Variants in RNF157 observed in about 807,000 individuals in gnomAD.
RNF157 encodes the protein ring finger protein 157, also known as E3 ubiquitin ligase RNF157.
Under a neutral mutation model 88.3 loss-of-function variants are expected in RNF157, and 55 were observed. That is an observed-to-expected ratio of 0.62 (90% CI 0.50 to 0.78). The LOEUF is 0.78. Among genes scored for constraint, RNF157 ranks in the 30% least tolerant of loss-of-function variants. The pLI is 0.00. For synonymous variants in RNF157, 334 were observed against 341.2 expected (o/e 0.98, Z 0.23); for missense variants, 788 against 860.8 (o/e 0.92, Z 1.06).
intron 2 of RNF157, among the ~76,000 whole-genome samples, chr17:76,203,305 C>T (rs1598427194): frequency 6.6e-6 from 1 of 152,088 alleles, no homozygotes; most frequent in South Asian, 2.1e-4. Context: ...TTTTTTGAGT[C>T]CTTAAAATAT....
intron 1 of RNF157, among the ~76,000 whole-genome samples, chr17:76,216,668 T>A (rs926720390): frequency 3.3e-5 from 5 of 152,100 alleles, no homozygotes; most frequent in African/African-American, 4.8e-5. Flanking sequence ...GTGTTGTAAA[T>A]CTATATCTAC....
chr17:76,207,423 T>C (rs1416601843), intron 2 of RNF157, among the ~76,000 whole-genome samples: 1 of 151,770 alleles, frequency 6.6e-6, no homozygotes, highest in Non-Finnish European at 1.5e-5. Context: ...TCCCTATCTC[T>C]AGGGGAAAAA....
chr17:76,145,670 T>C, intron 18 of RNF157: 1 of 293,236 alleles, frequency 3.4e-6, no homozygotes, highest in South Asian at 7.9e-5. Context: ...ATTACTTGGT[T>C]TTAAAGTTTG....
chr17:76,147,386 GCACCAC>G (rs1227821260), intron 18 of RNF157: 3 of 977,202 alleles, frequency 3.1e-6, no homozygotes, highest in Admixed American at 6.2e-5. Flanking sequence ...AAAAACAGCA[GCACCAC>G]CACCACCACC....
intron 2 of RNF157, among the ~76,000 whole-genome samples, chr17:76,201,957 C>T (rs563989830): frequency 2.6e-5 from 4 of 151,700 alleles, no homozygotes; most frequent in South Asian, 2.1e-4. Context: ...AGGAGAGATT[C>T]GGAGAGGTGA....
chr17:76,214,507 C>T (rs940838312), intron 1 of RNF157, among the ~76,000 whole-genome samples: 2 of 152,128 alleles, frequency 1.3e-5, no homozygotes, highest in Non-Finnish European at 2.9e-5. Context: ...CTTTAACTTG[C>T]TGCAAACATT....
chr17:76,232,926 A>AT (rs34189763), intron 1 of RNF157, among the ~76,000 whole-genome samples: 41,100 of 147,504 alleles, frequency 0.28, 5,948 homozygotes, highest in East Asian at 0.46. Flanking sequence ...AATCTCGCAT[A>AT]TTTTTTTTTT....
chr17:76,203,476 G>A (rs1348642263), intron 2 of RNF157, among the ~76,000 whole-genome samples: 1 of 148,828 alleles, frequency 6.7e-6, no homozygotes, highest in Non-Finnish European at 1.5e-5. Flanking sequence ...TTTTGAGATG[G>A]AGTCTTGCTC....
Position 76,221,406 on chromosome 17 carries a change from G to A in RNF157, c.89-8924C>T, listed in dbSNP as rs183248386. On this transcript the variant is annotated intron_variant, in intron 1 of 18. Transcript: ENST00000269391. ...CCACCAGCTTATAGGGAATAAAACA[G>A]AACATGATTAATGAGAGTTCAAGGA... Among the ~76,000 whole-genome samples the A allele has an allele frequency of 1.8e-4, 28 of 152,206 alleles. 1 individual carries two copies. The highest frequency in any genetic ancestry group is 1.6e-3 in the Admixed American group (24 of 15,254).
At chr17:76,201,323 C>CA (rs780243656) in intron 2 of RNF157, among the ~76,000 whole-genome samples, 11,297 of 59,586 alleles carry the variant, frequency 0.19, 1,378 homozygotes, top group African/African-American at 0.34. Context: ...CTAGTCTCTA[C>CA]AAAAAAAAAA....
intron 1 of RNF157, among the ~76,000 whole-genome samples, chr17:76,219,013 G>A (rs1423688789): frequency 6.6e-6 from 1 of 152,044 alleles, no homozygotes; most frequent in Non-Finnish European, 1.5e-5. Context: ...GGGATGGATA[G>A]CAGAGAAAAA....
chr17:76,208,047 C>A (rs2069711759), intron 2 of RNF157, among the ~76,000 whole-genome samples: 1 of 152,042 alleles, frequency 6.6e-6, no homozygotes, highest in Non-Finnish European at 1.5e-5. Flanking sequence ...TCCTGAGTAG[C>A]TGGGACTAGA....
intron 2 of RNF157, among the ~76,000 whole-genome samples, chr17:76,210,456 G>A (rs961836808): frequency 1.1e-4 from 17 of 151,266 alleles, no homozygotes; most frequent in Non-Finnish European, 1.8e-4. Context: ...CGGGTGTAGT[G>A]GCGGGTGCCT....
intron 17 of RNF157, 86 bp from the exon 18 acceptor site, chr17:76,152,551 A>G: frequency 2.5e-6 from 2 of 789,642 alleles, no homozygotes; most frequent in South Asian, 1.5e-5. Flanking sequence ...TTAAGGATGG[A>G]GACAAAAAAA....
intron 13 of RNF157, 31 bp from the exon 14 acceptor site, chr17:76,156,352 T>A: frequency 6.2e-7 from 1 of 1,613,436 alleles, no homozygotes; most frequent in Non-Finnish European, 8.5e-7. Context: ...CAACAGGACA[T>A]GGAGCAAGCG....
At chr17:76,151,651 C>A (rs963593354) in intron 18 of RNF157, among the ~76,000 whole-genome samples, 10 of 152,320 alleles carry the variant, frequency 6.6e-5, no homozygotes, top group Middle Eastern at 3.4e-3. Context: ...TAAAAAGGCA[C>A]TCGGTGCTTA....
chr17:76,185,618 C>T (rs530464807), intron 2 of RNF157, among the ~76,000 whole-genome samples: 26 of 151,898 alleles, frequency 1.7e-4, no homozygotes, highest in Admixed American at 9.2e-4. Flanking sequence ...TACAGGCACC[C>T]GCTACCACGC....
chr17:76,212,535 A>C, intron 1 of RNF157, 53 bp from the exon 2 acceptor site: 1 of 1,162,032 alleles, frequency 8.6e-7, no homozygotes. Flanking sequence ...GTCAACCTAA[A>C]TCTAGTAAAA....
rs948077726 is a variant in RNF157 at position 76,142,975 on chromosome 17, ATGTGACTG to A, written c.*2252_*2259del. 2 of 152,266 alleles carry A rather than the reference ATGTGACTG, an allele frequency of 1.3e-5. No homozygotes were observed. The highest frequency in any genetic ancestry group is 4.8e-5 in the African/African-American group (2 of 41,434). The allele number at this position is 152,266 out of a possible 1,614,324, so 9.4% of individuals were successfully genotyped here. A position where few individuals can be genotyped will look rare whatever the true frequency, so the allele number is the denominator to read the frequency against. On this transcript the variant is annotated 3_prime_UTR_variant, in exon 19 of 19. Coordinates refer to ENST00000269391, the MANE Select transcript of RNF157 (RefSeq NM_052916.3). ...CTTTGGGTGAACTGTTGACGTGACT[ATGTGACTG>A]TCTCCAGATGAAGGACTGGGGCAAA...
Sources: gnomAD v4.1 joint callset for allele counts (sites outside exome capture counted in the v4.1 genomes callset) on GRCh38, gnomAD v4.1.1 for gene constraint, MANE v1.5 for transcripts, NCBI Gene and HGNC (gene_info 2026-07-23, HGNC 2026-07-21) for gene names.